Variants in PDZRN3 observed in about 807,000 individuals in gnomAD.
PDZRN3 encodes the protein PDZ domain containing ring finger 3, also known as E3 ubiquitin-protein ligase PDZRN3.
A neutral mutation model predicts 85.7 loss-of-function variants in PDZRN3; 38 were observed. The observed-to-expected ratio is 0.44, with a 90% confidence interval of 0.34 to 0.58. PDZRN3 has a LOEUF of 0.58. Ranked by LOEUF, PDZRN3 falls within the 20% of genes least tolerant of loss-of-function variation. The probability of loss-of-function intolerance (pLI) is 0.01; values close to 1 mark genes in which losing one functional copy is unlikely to be tolerated. For synonymous variants in PDZRN3, 759 were observed against 638.0 expected (o/e 1.19, Z -2.86); for missense variants, 1,629 against 1,506.4 (o/e 1.08, Z -1.35).
At chr3:73,446,625 T>C (rs759548885) in intron 3 of PDZRN3, among the ~76,000 whole-genome samples, 1 of 152,156 alleles carries the variant, frequency 6.6e-6, no homozygotes, top group African/African-American at 2.4e-5. Context: ...TGCCTGACTC[T>C]CTGTACAAGG....
intron 3 of PDZRN3, among the ~76,000 whole-genome samples, chr3:73,530,837 T>G (rs1027780621): frequency 2.6e-5 from 4 of 152,216 alleles, no homozygotes; most frequent in African/African-American, 9.6e-5. Context: ...AACTCTTCTG[T>G]TACTTTGTTG....
At chr3:73,601,935 C>A (rs567130813) in intron 3 of PDZRN3, among the ~76,000 whole-genome samples, 1 of 152,306 alleles carries the variant, frequency 6.6e-6, no homozygotes. Flanking sequence ...TAAGTGTGTG[C>A]TGTGTGAGCT....
intron 3 of PDZRN3, among the ~76,000 whole-genome samples, chr3:73,585,547 C>A (rs532961650): frequency 6.6e-6 from 1 of 152,256 alleles, no homozygotes; most frequent in South Asian, 2.1e-4. Flanking sequence ...TGCATCCACC[C>A]CTTTGCCGCA....
At chr3:73,596,348 A>G (rs140744967) in intron 3 of PDZRN3, among the ~76,000 whole-genome samples, 3 of 152,346 alleles carry the variant, frequency 2.0e-5, no homozygotes. Flanking sequence ...TCACAATAAC[A>G]GATTCAACCA....
intron 3 of PDZRN3, among the ~76,000 whole-genome samples, chr3:73,407,578 C>G (rs2106737355): frequency 6.6e-6 from 1 of 152,312 alleles, no homozygotes; most frequent in Admixed American, 6.5e-5. Context: ...TTCCTAGAGA[C>G]ATTCTTCTAT....
chr3:73,605,118 G>T (rs899998359), intron 2 of PDZRN3, among the ~76,000 whole-genome samples: 8 of 151,698 alleles, frequency 5.3e-5, no homozygotes, highest in African/African-American at 1.9e-4. Flanking sequence ...GAGGTGGGAG[G>T]ATGGCTTGAG....
intron 3 of PDZRN3, among the ~76,000 whole-genome samples, chr3:73,534,942 T>C (rs1434650987): frequency 6.6e-6 from 1 of 152,178 alleles, no homozygotes; most frequent in Non-Finnish European, 1.5e-5. Flanking sequence ...TCAGTCTATT[T>C]GCTGCCCCTC....
Position 73,384,611 on chromosome 3 carries a change from A to C in PDZRN3, c.1955T>G (p.Leu652Arg). 1 of 1,613,644 alleles carries C rather than the reference A, an allele frequency of 6.2e-7. No individual in the cohort carries two copies. Among genetic ancestry groups the C allele is most frequent in the Non-Finnish European group, 8.5e-7 (1 of 1,180,000 alleles). ...ECERFRELLE[L>R]KCQVKSATPY... ...GGTGGCGCTCTTCACCTGGCACTTG[A>C]GCTCCAGGAGCTCGCGGAAGCGCTC... Residue 652 changes from leucine (L) to arginine (R), a missense_variant, in exon 10 of 10, where the codon CTC becomes CGC. Leu to Arg is a moderately radical substitution (Grantham distance 102). Transcript: ENST00000263666.
At position 73,384,473 on chromosome 3, in the gene PDZRN3, T is replaced by A; in HGVS notation, c.2093A>T (p.Glu698Val). 6.2e-7 allele frequency: 1 copy of A among 1,613,270 alleles called. No homozygotes were observed. Among genetic ancestry groups the A allele is most frequent in the Non-Finnish European group, 8.5e-7 (1 of 1,179,998 alleles). Residue 698 changes from glutamate to valine, a missense_variant, in exon 10 of 10, where the codon GAG (glutamate) becomes GTG (valine). Physicochemically the swap from Glu to Val is moderately radical, Grantham distance 121. Coordinates refer to ENST00000263666, the MANE Select transcript of PDZRN3 (RefSeq NM_015009.3). ...GTGGGCGCGCACGATGCTCAGGCAC[T>A]CCAGCTCGATGCTGCGCAGCTCTTC... ...LNEELRSIEL[E>V]CLSIVRAHKM...
chr3:73,466,618 G>A (rs1317700729), intron 3 of PDZRN3, among the ~76,000 whole-genome samples: 1 of 152,134 alleles, frequency 6.6e-6, no homozygotes. Context: ...TAAAAGACAT[G>A]CAGGAACTAG....
At chr3:73,481,816 TTCAA>T (rs1446029618) in intron 3 of PDZRN3, among the ~76,000 whole-genome samples, 1 of 152,200 alleles carries the variant, frequency 6.6e-6, no homozygotes, top group Admixed American at 6.5e-5. Context: ...TCAACGATTA[TTCAA>T]TCATTTTATA....
intron 3 of PDZRN3, among the ~76,000 whole-genome samples, chr3:73,432,487 CTCTCTG>C (rs1702452086): frequency 6.6e-6 from 1 of 152,200 alleles, no homozygotes; most frequent in South Asian, 2.1e-4. Context: ...TTTTGACCCT[CTCTCTG>C]TCTCAGTGGG....
chr3:73,569,257 G>A (rs1702005650), intron 3 of PDZRN3: 1 of 1,279,526 alleles, frequency 7.8e-7, no homozygotes, highest in African/African-American at 1.5e-5. Flanking sequence ...AACAAGAGGA[G>A]CCCGAAGAAT....
chr3:73,529,140 T>C (rs532191984), intron 3 of PDZRN3, among the ~76,000 whole-genome samples: 5 of 152,140 alleles, frequency 3.3e-5, no homozygotes, highest in Non-Finnish European at 7.4e-5. Flanking sequence ...AGTAAGCACC[T>C]CTGCTGGAAA....
At chr3:73,609,530 C>T (rs758202564) in intron 1 of PDZRN3, among the ~76,000 whole-genome samples, 9 of 152,186 alleles carry the variant, frequency 5.9e-5, no homozygotes, top group Non-Finnish European at 1.3e-4. Flanking sequence ...CTCGCTGATA[C>T]ACCTTTGACA....
intron 3 of PDZRN3, among the ~76,000 whole-genome samples, chr3:73,527,623 A>C (rs531337292): frequency 6.6e-6 from 1 of 152,298 alleles, no homozygotes; most frequent in Non-Finnish European, 1.5e-5. Context: ...TGTTCTCAGA[A>C]TTCTCAGGTC....
At chr3:73,553,994 C>A (rs1701628511) in intron 3 of PDZRN3, among the ~76,000 whole-genome samples, 1 of 152,236 alleles carries the variant, frequency 6.6e-6, no homozygotes, top group African/African-American at 2.4e-5. Flanking sequence ...CTGTATACAA[C>A]TATCTCACTG....
intron 1 of PDZRN3, among the ~76,000 whole-genome samples, chr3:73,610,904 A>G (rs1702674932): frequency 6.6e-6 from 1 of 152,234 alleles, no homozygotes; most frequent in African/African-American, 2.4e-5. Flanking sequence ...GCCAGAAACT[A>G]TACTGACAAT....
At chr3:73,403,254 C>G (rs1164967281) in intron 4 of PDZRN3, among the ~76,000 whole-genome samples, 1 of 152,170 alleles carries the variant, frequency 6.6e-6, no homozygotes, top group Non-Finnish European at 1.5e-5. Flanking sequence ...CCTTGAAAAG[C>G]TATGTTAAAA....
Sources: gnomAD v4.1 joint callset for allele counts (sites outside exome capture counted in the v4.1 genomes callset) on GRCh38, gnomAD v4.1.1 for gene constraint, MANE v1.5 for transcripts, NCBI Gene and HGNC (gene_info 2026-07-23, HGNC 2026-07-21) for gene names.